Variants in GPR176 observed in about 807,000 individuals in gnomAD.
GPR176 encodes the protein G protein-coupled receptor 176, also known as G-protein coupled receptor 176.
In GPR176, 26 loss-of-function variants were observed where a neutral mutation model predicts 35.4. That is an observed-to-expected ratio of 0.74 (90% CI 0.54 to 1.02). GPR176 has a LOEUF of 1.02. Ranked by LOEUF, GPR176 falls within the 50% of genes least tolerant of loss-of-function variation. The pLI, the probability that GPR176 is intolerant of heterozygous loss-of-function variation, is 0.00. For synonymous variants in GPR176, 278 were observed against 271.3 expected, an observed-to-expected ratio of 1.02 and a Z score of -0.24; for missense variants, 597 against 665.3, an observed-to-expected ratio of 0.90 and a Z score of 1.13.
chr15:39,801,143 C>A lies in GPR176; in HGVS notation c.1537G>T (p.Val513Leu). 1 of 1,599,722 alleles carries A rather than the reference C, an allele frequency of 6.3e-7. No individual in the cohort carries two copies. Among genetic ancestry groups the A allele is most frequent in the Non-Finnish European group, 8.5e-7 (1 of 1,171,074 alleles). Residue 513 changes from valine (V) to leucine (L), a missense_variant, in exon 3 of 3, where the codon GTG becomes TTG. By Grantham distance (32) the Val-to-Leu change is conservative. Transcript: ENST00000561100. ...ATTTACAATCCTTGCTAGGAATCCACCTTTGGAAAAATGCTCACTTTATTG... is the reference window on the plus strand; with the variant it reads ...ATTTACAATCCTTGCTAGGAATCCAACTTTGGAAAAATGCTCACTTTATTG... ...RNNKVSIFPK[V>L]DS
intron 2 of GPR176, among the ~76,000 whole-genome samples, chr15:39,802,719 G>A (rs1898963079): frequency 6.6e-6 from 1 of 152,164 alleles, no homozygotes; most frequent in Non-Finnish European, 1.5e-5. Context: ...ACAGAAATAA[G>A]TTTGTCTACA....
chr15:39,838,777 C>T (rs1220326584), intron 1 of GPR176, among the ~76,000 whole-genome samples: 4 of 152,094 alleles, frequency 2.6e-5, no homozygotes, highest in Non-Finnish European at 2.9e-5. Context: ...TGGCACAAAA[C>T]GGGGATGCCC....
At chr15:39,913,074 T>C (rs1266467051) in intron 1 of GPR176, among the ~76,000 whole-genome samples, 1 of 152,104 alleles carries the variant, frequency 6.6e-6, no homozygotes, top group African/African-American at 2.4e-5. Context: ...ATCAAACGAA[T>C]GGATAAACAA....
chr15:39,913,729 C>T (rs1034886962), intron 1 of GPR176, among the ~76,000 whole-genome samples: 1 of 152,078 alleles, frequency 6.6e-6, no homozygotes, highest in Non-Finnish European at 1.5e-5. Flanking sequence ...GTAGTGGTTG[C>T]ACTACTTTGT....
chr15:39,896,579 TCTA>T (rs1254841877), intron 1 of GPR176, among the ~76,000 whole-genome samples: 1 of 152,256 alleles, frequency 6.6e-6, no homozygotes, highest in Non-Finnish European at 1.5e-5. Context: ...CTCTAAATTC[TCTA>T]CTATTTTATA....
intron 1 of GPR176, among the ~76,000 whole-genome samples, chr15:39,847,394 T>G (rs1381148372): frequency 2.0e-5 from 3 of 152,058 alleles, no homozygotes; most frequent in Non-Finnish European, 4.4e-5. Context: ...ACTTCAAATA[T>G]AATGTTATAT....
chr15:39,813,856 T>C (rs1170146112), intron 1 of GPR176, among the ~76,000 whole-genome samples: 2 of 152,202 alleles, frequency 1.3e-5, no homozygotes, highest in East Asian at 1.9e-4. Context: ...TATATATATA[T>C]ATAATCTTTG....
At chr15:39,853,929 C>A (rs1435958895) in intron 1 of GPR176, among the ~76,000 whole-genome samples, 1 of 152,034 alleles carries the variant, frequency 6.6e-6, no homozygotes, top group Non-Finnish European at 1.5e-5. Context: ...TTATCATCAT[C>A]ATAATTATTA....
chr15:39,901,070 C>T (rs1211111741), intron 1 of GPR176, among the ~76,000 whole-genome samples: 3 of 151,936 alleles, frequency 2.0e-5, no homozygotes, highest in Non-Finnish European at 4.4e-5. Context: ...TAGAACTCCC[C>T]TCCTGCCTTT....
chr15:39,848,090 C>A (rs2030576582), intron 1 of GPR176, among the ~76,000 whole-genome samples: 2 of 152,048 alleles, frequency 1.3e-5, no homozygotes, highest in Admixed American at 6.6e-5. Context: ...CCATTACAAA[C>A]CACCTTCATG....
chr15:39,899,540 C>T lies in GPR176; in HGVS notation c.172+20315G>A, dbSNP rs897212278. Among the ~76,000 whole-genome samples, 5 of 152,094 alleles carry T rather than the reference C, an allele frequency of 3.3e-5. No individual in the cohort carries two copies. In the East Asian group the frequency reaches 7.7e-4, roughly 23 times the overall value. On this transcript the variant is annotated intron_variant, in intron 1 of 2. Transcript: ENST00000561100. Reference sequence around the variant, plus strand: ...GAATTACAGATAATAAGAAAGGAACCAGAAGCCTGGAGACAAGGAAAAGGG... The same window carrying T: ...GAATTACAGATAATAAGAAAGGAACTAGAAGCCTGGAGACAAGGAAAAGGG...
intron 1 of GPR176, among the ~76,000 whole-genome samples, chr15:39,905,827 G>C (rs1417812467): frequency 6.6e-6 from 1 of 152,168 alleles, no homozygotes; most frequent in Non-Finnish European, 1.5e-5. Context: ...GGAGGGAAAT[G>C]GGTGTGGCCA....
intron 1 of GPR176, among the ~76,000 whole-genome samples, chr15:39,841,163 C>T (rs1477837780): frequency 6.6e-6 from 1 of 152,090 alleles, no homozygotes; most frequent in Non-Finnish European, 1.5e-5. Flanking sequence ...GTGAATATGG[C>T]TGCAATTATT....
chr15:39,811,165 A>G (rs1899521785), intron 1 of GPR176, among the ~76,000 whole-genome samples: 1 of 151,990 alleles, frequency 6.6e-6, no homozygotes, highest in Non-Finnish European at 1.5e-5. Flanking sequence ...TTTAATTGGT[A>G]TATTTAGAAT....
chr15:39,833,792 T>C (rs1361453441), intron 1 of GPR176, among the ~76,000 whole-genome samples: 1 of 152,158 alleles, frequency 6.6e-6, no homozygotes, highest in Non-Finnish European at 1.5e-5. Context: ...AGTGACTGTT[T>C]TGCTGGGATT....
chr15:39,859,985 G>T, intron 1 of GPR176, among the ~76,000 whole-genome samples: 1 of 84,866 alleles, frequency 1.2e-5, no homozygotes, highest in Non-Finnish European at 2.2e-5. Flanking sequence ...AATAAAAAAG[G>T]CTTAAATCAA....
At chr15:39,825,258 C>T (rs1270650066) in intron 1 of GPR176, among the ~76,000 whole-genome samples, 1 of 152,016 alleles carries the variant, frequency 6.6e-6, no homozygotes, top group Non-Finnish European at 1.5e-5. Context: ...ACCTGAAATC[C>T]CACCATCTTA....
chr15:39,833,899 C>T (rs544081653), intron 1 of GPR176, among the ~76,000 whole-genome samples: 3 of 152,218 alleles, frequency 2.0e-5, no homozygotes, highest in Admixed American at 2.0e-4. Context: ...TAGAGGAAGC[C>T]GACATTGCTC....
At chr15:39,886,279 C>T (rs28462344) in intron 1 of GPR176, among the ~76,000 whole-genome samples, 3,973 of 152,062 alleles carry the variant, frequency 0.026, 205 homozygotes, top group African/African-American at 0.093. Flanking sequence ...ACTTTGCCTA[C>T]CAGGAACTGT....
Sources: gnomAD v4.1 joint callset for allele counts (sites outside exome capture counted in the v4.1 genomes callset) on GRCh38, gnomAD v4.1.1 for gene constraint, MANE v1.5 for transcripts, NCBI Gene and HGNC (gene_info 2026-07-23, HGNC 2026-07-21) for gene names.